The following SULT1A2 variants were observed in gnomAD, a reference collection of about 807,000 sequenced individuals.
SULT1A2 encodes sulfotransferase 1A2.
A neutral mutation model predicts 36.0 loss-of-function variants in SULT1A2; 33 were observed. The ratio of observed to expected loss-of-function variants is 0.92; its 90% CI spans 0.69 to 1.22. SULT1A2 has a LOEUF of 1.22. Ranked by LOEUF, SULT1A2 falls within the 50% of genes most tolerant of loss-of-function variation. SULT1A2 has a pLI of 0.00. For missense variants in SULT1A2, 367 were observed against 383.2 expected (o/e 0.96, Z 0.35); for synonymous variants, 138 against 144.5 (o/e 0.96, Z 0.32).
chr16:28,596,460 C>T (rs2047061079), intron 1 of SULT1A2: 2 of 768,130 alleles, frequency 2.6e-6, no homozygotes, highest in Non-Finnish European at 3.4e-6. Flanking sequence ...GGCCACAGTC[C>T]ATCTGGGCTC....
At chr16:28,593,799 A>G (rs1373569425) in intron 4 of SULT1A2, among the ~76,000 whole-genome samples, 2 of 152,120 alleles carry the variant, frequency 1.3e-5, no homozygotes, top group African/African-American at 4.8e-5. Flanking sequence ...TCAATGCGTC[A>G]CACCCCGATC....
intron 6 of SULT1A2, 111 bp downstream of exon 6, chr16:28,593,141 G>C (rs1221794223): frequency 1.3e-5 from 20 of 1,493,182 alleles, no homozygotes; most frequent in Admixed American, 3.9e-5. Context: ...TGGGGAATCC[G>C]GGCCTGCTGG....
intron 4 of SULT1A2, 43 bp from the exon 5 acceptor site, chr16:28,593,611 G>A (rs1425759746): frequency 2.5e-6 from 4 of 1,611,888 alleles, no homozygotes; most frequent in Non-Finnish European, 3.4e-6. Flanking sequence ...TCACCACACA[G>A]CCTGCCCCAG....
intron 1 of SULT1A2, chr16:28,596,497 G>A (rs1314462278): frequency 1.0e-5 from 6 of 596,574 alleles, no homozygotes; most frequent in Non-Finnish European, 1.4e-5. Context: ...TTGAGCAACT[G>A]AGCTGGTATT....
intron 4 of SULT1A2, among the ~76,000 whole-genome samples, chr16:28,594,167 C>T (rs1286533346): frequency 5.1e-5 from 7 of 137,576 alleles, no homozygotes; most frequent in African/African-American, 1.9e-4. Flanking sequence ...CTTGGGCTTT[C>T]TTTTTTCCTG....
At chr16:28,594,594 T>A (rs62031560) in intron 4 of SULT1A2, among the ~76,000 whole-genome samples, 48,726 of 150,104 alleles carry the variant, frequency 0.32, 8,654 homozygotes, top group Non-Finnish European at 0.38. Context: ...CTGGGATTAC[T>A]GGCGCCTGCC....
intron 7 of SULT1A2, 60 bp downstream of exon 7, chr16:28,592,203 T>A: frequency 6.2e-7 from 1 of 1,613,728 alleles, no homozygotes; most frequent in African/African-American, 1.3e-5. Context: ...CGAGTGCCTA[T>A]GGGGAGGCTC....
At chr16:28,594,381 G>T (rs1322564480) in intron 4 of SULT1A2, among the ~76,000 whole-genome samples, 1 of 152,146 alleles carries the variant, frequency 6.6e-6, no homozygotes, top group Admixed American at 6.6e-5. Flanking sequence ...AGCTCAAGCG[G>T]TCCACCCATC....
At chr16:28,592,713 A>C (rs1292374853) in intron 6 of SULT1A2, among the ~76,000 whole-genome samples, 1 of 152,128 alleles carries the variant, frequency 6.6e-6, no homozygotes, top group Non-Finnish European at 1.5e-5. Flanking sequence ...AACCATTGGC[A>C]GGGAGAAGCA....
In SULT1A2 at chr16:28,595,939, G is replaced by A. The variant is rs553158141; in HGVS notation, c.-4-5C>T. On this transcript the variant is annotated splice_polypyrimidine_tract_variant and splice_region_variant and intron_variant, in intron 1 of 7. Coordinates refer to ENST00000335715, the MANE Select transcript of SULT1A2 (RefSeq NM_001054.4). ...TCCTGGATCAGCTCCATGTTCCTGC[G>A]TCAGGGGCCAGAGCCAGGCCCGTTC... The A allele has an allele frequency of 2.0e-4, 321 of 1,602,538 alleles. 2 individuals are homozygous for A. The highest frequency in any genetic ancestry group is 2.1e-4 in the Non-Finnish European group (247 of 1,173,980).
chr16:28,592,456 G>C lies in SULT1A2; in HGVS notation c.595-13C>G. ...CCCTTTTGGGGTTCTGAGCAGCAGA[G>C]GGCTCCTCAGTGGAGGCTTGGATTG... On this transcript the variant is annotated splice_polypyrimidine_tract_variant and intron_variant, in intron 6 of 7. Transcript: ENST00000335715. 6 of 1,614,172 alleles carry C rather than the reference G, an allele frequency of 3.7e-6. No homozygotes were observed. The highest frequency in any genetic ancestry group is 5.1e-6 in the Non-Finnish European group (6 of 1,180,032).
At chr16:28,596,107 T>C in intron 1 of SULT1A2, 173 bp from the exon 2 acceptor site, 4 of 1,465,850 alleles carry the variant, frequency 2.7e-6, no homozygotes, top group Non-Finnish European at 3.6e-6. Flanking sequence ...CGGGCTCTAA[T>C]GTGGTGGTTC....
At position 28,592,131 on chromosome 16, in the gene SULT1A2, C is replaced by T. The variant is rs1364484397; in HGVS notation, c.785G>A (p.Gly262Glu). ...CACGGTGAAGGTGGTCTTCCAGTCC[C>T]CAGCCATGCCTGGGGGAGGAAGGCA... ...ISPFMRKGMA[G>E]DWKTTFTVAQ... is the part of the protein sequence containing the mutation. The change falls in exon 8 of 8, where the codon GGG becomes GAG. Residue 262 changes from glycine (G) to glutamate (E), a missense_variant. By Grantham distance (98) the Gly-to-Glu change is moderately conservative. Transcript: ENST00000335715. The T allele has an allele frequency of 1.6e-5, 26 of 1,612,014 alleles. No individual in the cohort carries two copies. Among genetic ancestry groups the T allele is most frequent in the Admixed American group, 5.0e-5 (3 of 59,976 alleles).
chr16:28,595,635 C>T lies in SULT1A2; in HGVS notation c.189G>A (p.Gln63=), dbSNP rs2047049837. 1 of 1,614,074 alleles carries T rather than the reference C, an allele frequency of 6.2e-7. No individual in the cohort carries two copies. Among genetic ancestry groups the T allele is most frequent in the African/African-American group, 1.3e-5 (1 of 74,930 alleles). ...WVSQILDMIY[Q]GGDLEKCHRA... ...GGTGACACTTTTCCAGGTCACCGCC[C>T]TGGTAGATCATGTCCAGAATCTGGC... The change falls in exon 3 of 8, where the codon CAG becomes CAA. Residue 63 remains glutamine (Q), a synonymous_variant. Transcript: ENST00000335715.
chr16:28,594,888 C>A (rs550218742), intron 4 of SULT1A2, among the ~76,000 whole-genome samples: 1 of 142,328 alleles, frequency 7.0e-6, no homozygotes, highest in Non-Finnish European at 1.5e-5. Context: ...TCAAGCAATT[C>A]TCCTGCTTCA....
In SULT1A2 at chr16:28,595,663, A is replaced by T; in HGVS notation, c.161T>A (p.Val54Glu). ...GTAGATCATGTCCAGAATCTGGCTC[A>T]CCCAGGTGGTGCCTGGAGAGGGAGG... Reference protein sequence around the residue: ...STYPKSGTTWVSQILDMIYQG... With the variant: ...STYPKSGTTWESQILDMIYQG... Residue 54 changes from valine (V) to glutamate (E), a missense_variant, in exon 3 of 8, where the codon GTG (valine) becomes GAG (glutamate). Physicochemically the swap from Val to Glu is moderately radical, Grantham distance 121. Coordinates refer to ENST00000335715, the MANE Select transcript of SULT1A2 (RefSeq NM_001054.4). 1 of 1,614,106 alleles carries T rather than the reference A, an allele frequency of 6.2e-7. No homozygotes were observed. The highest frequency in any genetic ancestry group is 8.5e-7 in the Non-Finnish European group (1 of 1,179,998).
At position 28,595,901 on chromosome 16, in the gene SULT1A2, C is replaced by A; in HGVS notation, c.30G>T (p.Pro10=). The change falls in exon 2 of 8, where the codon CCG becomes CCT. Residue 10 remains proline, a synonymous_variant. Coordinates refer to ENST00000335715, the MANE Select transcript of SULT1A2 (RefSeq NM_001054.4). ...GGACCCCCTTCACGTACTCCAGTGG[C>A]GGGCGAGAGATGTCCTGGATCAGCT... is the stretch of plus-strand genomic sequence containing the variant. MELIQDISR[P]PLEYVKGVPL... is the part of the protein sequence containing the mutation. The A allele has an allele frequency of 6.3e-7, 1 of 1,596,910 alleles. No homozygotes were observed. The highest frequency in any genetic ancestry group is 8.6e-7 in the Non-Finnish European group (1 of 1,169,080).
In SULT1A2 at chr16:28,595,551, T is replaced by G. The variant is rs2047048620; in HGVS notation, c.273A>C (p.Ser91=). ...FLEFKVPGIP[S]GMETLKNTPA... ...CCCTTGCACCCAGGACACACACACC[T>G]GAGGGAATCCCTGGGACTTTGAACT... Residue 91 remains serine, a splice_region_variant and synonymous_variant, in exon 3 of 8, where the codon TCA becomes TCC. Coordinates refer to ENST00000335715, the MANE Select transcript of SULT1A2 (RefSeq NM_001054.4). The G allele has an allele frequency of 6.2e-7, 1 of 1,614,054 alleles. No individual in the cohort carries two copies. The highest frequency in any genetic ancestry group is 1.3e-5 in the African/African-American group (1 of 74,920).
chr16:28,593,913 C>T (rs1468081543), intron 4 of SULT1A2, among the ~76,000 whole-genome samples: 1 of 152,060 alleles, frequency 6.6e-6, no homozygotes, highest in Admixed American at 6.5e-5. Flanking sequence ...GGAAGAGTCT[C>T]ATGTTTTTGG....
Sources: allele counts gnomAD v4.1 joint callset (sites outside exome capture counted in the v4.1 genomes callset), GRCh38; gene constraint gnomAD v4.1.1; transcripts MANE v1.5; gene names NCBI Gene and HGNC (gene_info 2026-07-23, HGNC 2026-07-21).